Variants in RLF observed in about 807,000 individuals in gnomAD.
The protein encoded by RLF is zinc finger protein Rlf.
In RLF, 7 loss-of-function variants were observed where a neutral mutation model predicts 162.9. That is an observed-to-expected ratio of 0.04 (90% CI 0.02 to 0.08). RLF has a LOEUF of 0.08. Ranked by LOEUF, RLF falls within the 10% of genes least tolerant of loss-of-function variation. The pLI is 1.00. For synonymous variants in RLF, 782 were observed against 791.5 expected (o/e 0.99, Z 0.20); for missense variants, 1,664 against 2,244.7 (o/e 0.74, Z 5.23).
chr1:40,203,109 CTTTT>C (rs34957684), intron 5 of RLF, among the ~76,000 whole-genome samples: 9 of 99,690 alleles, frequency 9.0e-5, no homozygotes, highest in Non-Finnish European at 1.2e-4. Context: ...AGGGTTGAGT[CTTTT>C]TTTTTTTTTT....
At chr1:40,200,800 C>T (rs1211878697) in intron 4 of RLF, among the ~76,000 whole-genome samples, 8 of 143,442 alleles carry the variant, frequency 5.6e-5, no homozygotes, top group African/African-American at 1.3e-4. Flanking sequence ...GATAATGTTA[C>T]GATTGATTCT....
At chr1:40,191,358 C>T (rs140359326) in intron 3 of RLF, among the ~76,000 whole-genome samples, 1,981 of 152,050 alleles carry the variant, frequency 0.013, 45 homozygotes, top group African/African-American at 0.045. Context: ...GCCAACATGC[C>T]GAAACCCTGT....
chr1:40,202,606 A>G lies in RLF; in HGVS notation c.802A>G (p.Ile268Val), dbSNP rs768477340. 7.9e-6 allele frequency: 12 copies of G among 1,513,922 alleles called. No individual in the cohort carries two copies. The highest frequency in any genetic ancestry group is 9.7e-6 in the Non-Finnish European group (11 of 1,136,616). 93.8% of individuals were successfully genotyped at this position (1,513,922 alleles called of 1,614,324 possible). ...TTCTATGCTCCCTAATGAAGATGCT[A>G]TTAAGGAGGTGAGTAAATAATTGTT... is the stretch of plus-strand genomic sequence containing the variant. ...LCSMLPNEDA[I>V]KEIAKVDCKE... Residue 268 changes from isoleucine (I) to valine (V), a missense_variant, in exon 5 of 8, where the codon ATT becomes GTT. Ile to Val is a conservative substitution (Grantham distance 29). This residue lies in a region of RLF where 287 missense variants were observed against 404.9 expected (regional missense o/e 0.71). Coordinates refer to ENST00000372771, the MANE Select transcript of RLF (RefSeq NM_012421.4).
At chr1:40,195,265 A>G (rs1009064109) in intron 3 of RLF, among the ~76,000 whole-genome samples, 3 of 151,968 alleles carry the variant, frequency 2.0e-5, no homozygotes, top group Non-Finnish European at 1.5e-5. Context: ...CCTGGCCAAG[A>G]TGGTGAAACC....
intron 1 of RLF, among the ~76,000 whole-genome samples, chr1:40,166,687 A>G (rs1642169822): frequency 2.0e-5 from 3 of 152,188 alleles, no homozygotes; most frequent in African/African-American, 7.2e-5. Context: ...AAAAAGGATG[A>G]GTTCATGTCC....
chr1:40,174,601 C>T (rs747257057), intron 1 of RLF, among the ~76,000 whole-genome samples: 1 of 152,008 alleles, frequency 6.6e-6, no homozygotes, highest in Non-Finnish European at 1.5e-5. Flanking sequence ...CTATTCTTAT[C>T]AAAATAAATT....
At chr1:40,166,258 A>C (rs1396536590) in intron 1 of RLF, among the ~76,000 whole-genome samples, 1 of 152,052 alleles carries the variant, frequency 6.6e-6, no homozygotes, top group Non-Finnish European at 1.5e-5. Flanking sequence ...CATGATACAC[A>C]CATGAGATAG....
Position 40,222,745 on chromosome 1 carries a change from A to T in RLF, c.947+35A>T, listed in dbSNP as rs775216300. The T allele has an allele frequency of 4.6e-5, 72 of 1,570,208 alleles. No individual in the cohort carries two copies. In the Admixed American group the frequency reaches 1.1e-3, roughly 24 times the overall value. Reference sequence around the variant, plus strand: ...TTTAGTTTTACACTCTTTATTTGTTAGTACATAGTATAGCATTTAGGGTTT... The same window carrying T: ...TTTAGTTTTACACTCTTTATTTGTTTGTACATAGTATAGCATTTAGGGTTT... On this transcript the variant is annotated intron_variant, in intron 6 of 7. Coordinates refer to ENST00000372771, the MANE Select transcript of RLF (RefSeq NM_012421.4).
At chr1:40,174,370 CAA>C (rs57362681) in intron 1 of RLF, among the ~76,000 whole-genome samples, 7 of 128,364 alleles carry the variant, frequency 5.5e-5, no homozygotes, top group East Asian at 2.2e-4. Flanking sequence ...GACTCTGTCT[CAA>C]AAAAAAAAAA....
intron 7 of RLF, among the ~76,000 whole-genome samples, chr1:40,233,893 ACACT>A (rs1274264025): frequency 5.9e-5 from 9 of 152,178 alleles, no homozygotes; most frequent in Non-Finnish European, 1.0e-4. Flanking sequence ...AAGGGATTCT[ACACT>A]CACTCACTCC....
intron 5 of RLF, among the ~76,000 whole-genome samples, chr1:40,202,861 C>T (rs1439506232): frequency 6.6e-6 from 1 of 152,194 alleles, no homozygotes; most frequent in Middle Eastern, 3.4e-3. Context: ...TGATGATTTG[C>T]TGTGAAATCT....
At chr1:40,184,756 G>A (rs1033883468) in intron 1 of RLF, among the ~76,000 whole-genome samples, 12 of 152,002 alleles carry the variant, frequency 7.9e-5, no homozygotes. Context: ...GCCTTTCAAG[G>A]GCAGGAATAG....
chr1:40,214,720 A>G (rs1209248534), intron 5 of RLF, among the ~76,000 whole-genome samples: 8 of 151,890 alleles, frequency 5.3e-5, no homozygotes, highest in Non-Finnish European at 2.9e-5. Flanking sequence ...AGCCTGAGCA[A>G]CATCTACATG....
chr1:40,206,133 C>T (rs538778923), intron 5 of RLF, among the ~76,000 whole-genome samples: 9 of 152,278 alleles, frequency 5.9e-5, no homozygotes, highest in South Asian at 2.1e-4. Context: ...TTAACATGTC[C>T]GTAACTAAGC....
chr1:40,232,169 C>CT (rs1643160547), intron 7 of RLF, among the ~76,000 whole-genome samples: 1 of 150,346 alleles, frequency 6.7e-6, no homozygotes, highest in African/African-American at 2.4e-5. Context: ...GATTGCACTG[C>CT]TGCACTCCAG....
chr1:40,165,586 G>A (rs1446000090), intron 1 of RLF, among the ~76,000 whole-genome samples: 2 of 151,932 alleles, frequency 1.3e-5, no homozygotes, highest in African/African-American at 2.4e-5. Flanking sequence ...TTTTTGGGGG[G>A]ACACTGTACA....
In RLF at chr1:40,238,378, G is replaced by C; in HGVS notation, c.3676G>C (p.Asp1226His). 1.9e-6 allele frequency: 3 copies of C among 1,614,200 alleles called. No homozygotes were observed. The highest frequency in any genetic ancestry group is 2.5e-6 in the Non-Finnish European group (3 of 1,180,036). ...GPCSVDRLKG[D>H]CSAELGGDPS... ...ATGTTCAGTAGATAGGTTGAAAGGT[G>C]ATTGTTCTGCAGAACTTGGAGGTGA... is the stretch of plus-strand genomic sequence containing the variant. The change falls in exon 8 of 8, where the codon GAT (aspartate) becomes CAT (histidine). Residue 1226 changes from aspartate to histidine, a missense_variant. Physicochemically the swap from Asp to His is moderately conservative, Grantham distance 81 (BLOSUM62 -1). This residue lies in a region of RLF where 102 missense variants were observed against 109.5 expected (regional missense o/e 0.93). Coordinates refer to ENST00000372771, the MANE Select transcript of RLF (RefSeq NM_012421.4). This position sits in a 1 kb window ranked among gnomAD's most constrained non-coding sequence, Gnocchi z 5.2.
chr1:40,177,723 AG>A, intron 1 of RLF: 1 of 152,052 alleles, frequency 6.6e-6, no homozygotes. Flanking sequence ...GTATAGTTTT[AG>A]GTTTTACATT....
At chr1:40,163,845 A>G (rs1042322606) in intron 1 of RLF, among the ~76,000 whole-genome samples, 4 of 152,188 alleles carry the variant, frequency 2.6e-5, no homozygotes, top group Non-Finnish European at 5.9e-5. Flanking sequence ...AAATTTGTGT[A>G]CAAGTCTTCA....
Sources: allele counts gnomAD v4.1 joint callset (sites outside exome capture counted in the v4.1 genomes callset), GRCh38; gene constraint gnomAD v4.1.1; regional missense constraint gnomAD v4.1.1; non-coding constraint Gnocchi (gnomAD v3.1); transcripts MANE v1.5; gene names NCBI Gene and HGNC (gene_info 2026-07-23, HGNC 2026-07-21).